EYS: variants seen among roughly 807,000 people sequenced by gnomAD.
The protein encoded by EYS is EGF-like photoreceptor maintenance factor, also known as protein eyes shut homolog.
Under a neutral mutation model 282.1 loss-of-function variants are expected in EYS, and 250 were observed. The observed-to-expected ratio is 0.89, with a 90% CI of 0.80 to 0.98. EYS has a LOEUF of 0.98. Among genes scored for constraint, EYS ranks in the 50% least tolerant of loss-of-function variants. The probability of loss-of-function intolerance (pLI) is 0.00; values close to 1 mark genes in which losing one functional copy is unlikely to be tolerated. For missense variants in EYS, 4,016 were observed against 3,709.0 expected, an observed-to-expected ratio of 1.08 and a Z score of -2.15; for synonymous variants, 1,355 against 1,282.9, an observed-to-expected ratio of 1.06 and a Z score of -1.20.
chr6:64,576,416 T>G (rs1452666059), intron 26 of EYS, among the ~76,000 whole-genome samples: 1 of 152,078 alleles, frequency 6.6e-6, no homozygotes, highest in African/African-American at 2.4e-5. Context: ...ATTCTTCAGA[T>G]GAGAAAATTG....
At chr6:64,662,532 C>T (rs4995464) in intron 22 of EYS, among the ~76,000 whole-genome samples, 1 of 152,106 alleles carries the variant, frequency 6.6e-6, no homozygotes, top group Non-Finnish European at 1.5e-5. Flanking sequence ...ATATGCATCT[C>T]ATCCAGCAAA....
rs772895357 is a variant in EYS at position 64,093,923 on chromosome 6, C to T, written c.6425-11921G>A. On this transcript the variant is annotated intron_variant, in intron 31 of 42. Coordinates refer to ENST00000503581, the MANE Select transcript of EYS (RefSeq NM_001142800.2). ...AGATAGCTCTTATTATTTTGAGATA[C>T]GCCCCATCAATAACTACTTTATTGA... Among the ~76,000 whole-genome samples, 15 of 152,188 alleles carry T rather than the reference C, an allele frequency of 9.9e-5. No individual in the cohort carries two copies. In the East Asian group the frequency reaches 1.7e-3, roughly 18 times the overall value.
At chr6:65,001,698 A>G (rs1387504930) in intron 13 of EYS, among the ~76,000 whole-genome samples, 4 of 147,718 alleles carry the variant, frequency 2.7e-5, no homozygotes, top group African/African-American at 9.7e-5. Context: ...CTGTATTACT[A>G]TTAACTAGAA....
At chr6:64,927,016 A>G (rs779846125) in intron 15 of EYS, among the ~76,000 whole-genome samples, 6 of 152,210 alleles carry the variant, frequency 3.9e-5, no homozygotes, top group Non-Finnish European at 7.3e-5. Context: ...ATCTTTTAGT[A>G]TAGGACATTG....
At chr6:64,010,265 CTG>C (rs1454158494) in intron 33 of EYS, among the ~76,000 whole-genome samples, 1 of 152,120 alleles carries the variant, frequency 6.6e-6, no homozygotes, top group East Asian at 1.9e-4. Context: ...ACTGGCGAGA[CTG>C]GGGATGCGGT....
chr6:65,045,077 C>T (rs1275618062), intron 13 of EYS, among the ~76,000 whole-genome samples: 1 of 151,760 alleles, frequency 6.6e-6, no homozygotes, highest in African/African-American at 2.4e-5. Context: ...TGCCTTAAAA[C>T]AGTTGTTTTC....
At chr6:63,937,348 T>C (rs1581998727) in intron 35 of EYS, among the ~76,000 whole-genome samples, 3 of 18,996 alleles carry the variant, frequency 1.6e-4, no homozygotes, top group Non-Finnish European at 3.3e-4. Context: ...CTCTTTTCTT[T>C]TTTTTTTTTT....
At chr6:65,114,147 A>AGTTT (rs1775298467) in intron 12 of EYS, among the ~76,000 whole-genome samples, 1 of 152,026 alleles carries the variant, frequency 6.6e-6, no homozygotes, top group African/African-American at 2.4e-5. Context: ...AACAAATGAT[A>AGTTT]GTTTCACTGG....
At chr6:65,404,533 G>A (rs928953221) in intron 6 of EYS, among the ~76,000 whole-genome samples, 2 of 151,824 alleles carry the variant, frequency 1.3e-5, no homozygotes, top group Non-Finnish European at 2.9e-5. Flanking sequence ...AAATATTTGG[G>A]TCTAGTATAT....
chr6:65,331,098 A>G (rs1769781560), intron 11 of EYS: 1 of 983,762 alleles, frequency 1.0e-6, no homozygotes, highest in Non-Finnish European at 1.2e-6. Flanking sequence ...ATCCCACCCC[A>G]TTAGTCTTCC....
At chr6:65,428,896 T>C (rs1360404466) in intron 5 of EYS, among the ~76,000 whole-genome samples, 2 of 152,078 alleles carry the variant, frequency 1.3e-5, no homozygotes, top group Non-Finnish European at 2.9e-5. Context: ...ATAAAAGATG[T>C]TCTGAGCCGG....
rs531783754 is a variant in EYS, at chr6:64,566,773, C to A, written c.5644+23450G>T. On this transcript the variant is annotated intron_variant, in intron 26 of 42. Coordinates refer to ENST00000503581, the MANE Select transcript of EYS (RefSeq NM_001142800.2). Reference sequence around the variant, plus strand: ...GATTAAGGATAACACCAATTTGATTCTAATATATATATATTTTTAAGACAG... The same window carrying A: ...GATTAAGGATAACACCAATTTGATTATAATATATATATATTTTTAAGACAG... Among the ~76,000 whole-genome samples the A allele has an allele frequency of 2.5e-3, 381 of 152,046 alleles. 4 individuals carry two copies. The highest frequency in any genetic ancestry group is 8.5e-3 in the African/African-American group (353 of 41,506).
intron 35 of EYS, among the ~76,000 whole-genome samples, chr6:63,912,582 T>C (rs1230147304): frequency 6.6e-6 from 1 of 152,178 alleles, no homozygotes; most frequent in Non-Finnish European, 1.5e-5. Context: ...ATCAGTGATA[T>C]GGTTTAGATG....
chr6:64,865,164 C>T (rs1364136087), intron 19 of EYS, among the ~76,000 whole-genome samples: 1 of 152,070 alleles, frequency 6.6e-6, no homozygotes. Context: ...AGGGATATTT[C>T]TGGGCTGTGA....
intron 29 of EYS, among the ~76,000 whole-genome samples, chr6:64,381,655 C>T (rs1232254962): frequency 1.3e-5 from 2 of 152,094 alleles, no homozygotes; most frequent in Admixed American, 6.6e-5. Context: ...CATTCCAGTA[C>T]CATGTCTCCT....
chr6:64,798,194 C>A (rs902632076), intron 22 of EYS, among the ~76,000 whole-genome samples: 1 of 151,756 alleles, frequency 6.6e-6, no homozygotes, highest in Admixed American at 6.6e-5. Context: ...GTCTTTAATT[C>A]ATCAATTACA....
At chr6:64,719,996 C>T (rs1474826538) in intron 22 of EYS, among the ~76,000 whole-genome samples, 3 of 152,142 alleles carry the variant, frequency 2.0e-5, no homozygotes, top group Non-Finnish European at 4.4e-5. Flanking sequence ...ACTGCTGTAA[C>T]AAATTACTAA....
intron 36 of EYS, among the ~76,000 whole-genome samples, chr6:63,831,647 G>C (rs371253561): frequency 6.6e-6 from 1 of 152,116 alleles, no homozygotes; most frequent in Admixed American, 6.6e-5. Context: ...GTCAACATTA[G>C]ACAGATCAAA....
chr6:65,442,797 G>T (rs375402472), intron 5 of EYS, among the ~76,000 whole-genome samples: 1,458 of 103,356 alleles, frequency 0.014, 263 homozygotes, highest in East Asian at 0.026. Context: ...AAAATATATA[G>T]ACACACACAC....
Sources: gnomAD v4.1 joint callset for allele counts (sites outside exome capture counted in the v4.1 genomes callset) on GRCh38, gnomAD v4.1.1 for gene constraint, MANE v1.5 for transcripts, NCBI Gene and HGNC (gene_info 2026-07-23, HGNC 2026-07-21) for gene names.